Variants in WDR44 observed in about 807,000 individuals in gnomAD.
WDR44 encodes WD repeat domain 44, also known as WD repeat-containing protein 44.
A neutral mutation model predicts 65.7 loss-of-function variants in WDR44; 9 were observed. The ratio of observed to expected loss-of-function variants is 0.14; its 90% CI spans 0.08 to 0.24. The LOEUF (loss-of-function observed/expected upper bound fraction) is 0.24, where lower values mean the gene tolerates loss of function less well. Among genes scored for constraint, WDR44 ranks in the 10% least tolerant of loss-of-function variants. The pLI is 1.00. For missense variants in WDR44, 425 were observed against 670.9 expected (o/e 0.63, Z 4.05); for synonymous variants, 220 against 235.2 (o/e 0.94, Z 0.59).
intron 14 of WDR44, among the ~76,000 whole-genome samples, chrX:118,440,159 A>C (rs1378240764): frequency 9.2e-6 from 1 of 109,130 alleles, no homozygotes; most frequent in African/African-American, 3.3e-5. Flanking sequence ...AAAAATTCTT[A>C]TGTTGCCAAA....
Position 118,443,348 on chromosome X carries a change from T to C in WDR44, c.2385-212T>C, listed in dbSNP as rs140811947. ...AACGTGGATTAACTAACATCACAGT[T>C]ACTTAGAGCTTTGATGCAAATACAA... On this transcript the variant is annotated intron_variant, in intron 17 of 19. Coordinates refer to ENST00000254029, the MANE Select transcript of WDR44 (RefSeq NM_019045.5). Among the ~76,000 whole-genome samples the C allele has an allele frequency of 6.5e-3, 723 of 111,842 alleles. 21 individuals carry two copies. In the East Asian group the frequency reaches 0.14, roughly 21 times the overall value.
At chrX:118,430,030 G>T (rs1240055425) in intron 12 of WDR44, among the ~76,000 whole-genome samples, 5 of 111,536 alleles carry the variant, frequency 4.5e-5, no homozygotes. Context: ...TCCATATTAT[G>T]CAGCTACTAA....
At chrX:118,386,753 T>A (rs924140435) in intron 2 of WDR44, among the ~76,000 whole-genome samples, 6 of 112,096 alleles carry the variant, frequency 5.4e-5, no homozygotes, top group African/African-American at 1.9e-4. Flanking sequence ...GTTAAAAAGT[T>A]GAGCAAGTTT....
At chrX:118,354,284 G>T (rs2802620) in intron 1 of WDR44, among the ~76,000 whole-genome samples, 3 of 109,039 alleles carry the variant, frequency 2.8e-5, no homozygotes, top group African/African-American at 1.0e-4. Context: ...TGGACATGAT[G>T]GTGCATGCCT....
chrX:118,447,893 TATATATATATATA>T (rs2057360439), intron 19 of WDR44, among the ~76,000 whole-genome samples: 2 of 95,820 alleles, frequency 2.1e-5, no homozygotes, highest in East Asian at 3.2e-4. Context: ...TATATATATA[TATATATATATATA>T]TATATATACT....
chrX:118,411,016 A>G (rs1037838446), intron 12 of WDR44, 57 bp downstream of exon 12: 1 of 982,883 alleles, frequency 1.0e-6, no homozygotes, highest in Non-Finnish European at 1.4e-6. Context: ...TTTGTTTACC[A>G]TAAAGTATTT....
Position 118,436,683 on chromosome X carries a change from A to G in WDR44, c.1852-19A>G, listed in dbSNP as rs752229313. ...TTTTTCATATAGTGATAACATAGTC[A>G]ATGTCATTTTCCCCATAGAACTACT... On this transcript the variant is annotated intron_variant, in intron 13 of 19. Coordinates refer to ENST00000254029, the MANE Select transcript of WDR44 (RefSeq NM_019045.5). The G allele has an allele frequency of 1.7e-6, 2 of 1,178,285 alleles. No homozygotes were observed. Among genetic ancestry groups the G allele is most frequent in the Non-Finnish European group, 2.3e-6 (2 of 876,117 alleles).
intron 1 of WDR44, among the ~76,000 whole-genome samples, chrX:118,357,605 G>A (rs2056472419): frequency 9.0e-6 from 1 of 111,711 alleles, no homozygotes; most frequent in Non-Finnish European, 1.9e-5. Context: ...TACCCCACCA[G>A]GTGTGGTGGC....
intron 8 of WDR44, among the ~76,000 whole-genome samples, chrX:118,402,458 A>AAAAAAAG (rs547508565): frequency 2.3e-5 from 2 of 85,369 alleles, no homozygotes; most frequent in African/African-American, 5.7e-5. Context: ...AAAAAAAAAA[A>AAAAAAAG]ACATTCAGGA....
intron 1 of WDR44, among the ~76,000 whole-genome samples, chrX:118,348,248 T>G (rs1368088910): frequency 8.9e-6 from 1 of 112,211 alleles, no homozygotes; most frequent in African/African-American, 3.2e-5. Flanking sequence ...CCTTCCTTTC[T>G]TGGCATTGGC....
rs747651415 is a variant in WDR44 at position 118,389,322 on chromosome X, T to C, written c.186+1908T>C. On this transcript the variant is annotated intron_variant, in intron 3 of 19. Transcript: ENST00000254029. ...AGTATTCAAATAAACTTAGAAGCTA[T>C]TGTAAGAACACAAAGGGAAGGAGAC... Among the ~76,000 whole-genome samples, 504 of 112,219 alleles carry C rather than the reference T, an allele frequency of 4.5e-3. 1 individual carries two copies. Among genetic ancestry groups the C allele is most frequent in the African/African-American group, 0.015 (474 of 30,967 alleles).
At chrX:118,391,372 G>C (rs2056818881) in intron 3 of WDR44, among the ~76,000 whole-genome samples, 1 of 111,717 alleles carries the variant, frequency 9.0e-6, no homozygotes, top group Non-Finnish European at 1.9e-5. Flanking sequence ...TAATTTCTAA[G>C]GTTAACAATT....
intron 14 of WDR44, among the ~76,000 whole-genome samples, chrX:118,439,819 AAAGAAG>A (rs201823882): frequency 5.5e-5 from 6 of 108,390 alleles, no homozygotes; most frequent in African/African-American, 2.0e-4. Context: ...AAGGAAAAAA[AAAGAAG>A]AAGAAGAATC....
chrX:118,446,798 T>A (rs1432379251), intron 19 of WDR44, among the ~76,000 whole-genome samples: 2 of 111,955 alleles, frequency 1.8e-5, no homozygotes, highest in Non-Finnish European at 3.8e-5. Flanking sequence ...TTTCTTTCCT[T>A]CTCAGAATCA....
intron 1 of WDR44, among the ~76,000 whole-genome samples, chrX:118,351,748 G>A (rs2056404948): frequency 1.8e-5 from 2 of 110,637 alleles, no homozygotes; most frequent in Admixed American, 1.9e-4. Flanking sequence ...TCAGGAGTTC[G>A]AGACCAGCCT....
chrX:118,368,040 A>G (rs1338629602), intron 1 of WDR44, among the ~76,000 whole-genome samples: 3 of 111,860 alleles, frequency 2.7e-5, no homozygotes, highest in Non-Finnish European at 5.6e-5. Context: ...ATTTATTTCT[A>G]TAAAGTACAT....
In WDR44 at chrX:118,443,575, C is replaced by T; in HGVS notation, c.2400C>T (p.Tyr800=). The T allele has an allele frequency of 8.3e-7, 1 of 1,208,809 alleles. No homozygotes were observed. Among genetic ancestry groups the T allele is most frequent in the Non-Finnish European group, 1.1e-6 (1 of 893,865 alleles). ...CAAAATTCAGCCATGATTTTACTTA[C>T]CTCGTTAGTGGTTCAGAAGATAAGT... ...IKASFSHDFT[Y]LVSGSEDKYV... is the part of the protein sequence containing the mutation. Residue 800 remains tyrosine, a synonymous_variant, in exon 18 of 20, where the codon TAC becomes TAT. Transcript: ENST00000254029.
chrX:118,413,323 G>A (rs1049663791), intron 12 of WDR44, among the ~76,000 whole-genome samples: 4 of 112,013 alleles, frequency 3.6e-5, no homozygotes, highest in Non-Finnish European at 5.6e-5. Context: ...GTGTAGAAGT[G>A]TTCCCTGATC....
chrX:118,444,242 A>T, intron 18 of WDR44, 118 bp from the exon 19 acceptor site: 1 of 870,685 alleles, frequency 1.1e-6, no homozygotes, highest in Non-Finnish European at 1.5e-6. Flanking sequence ...TTTGGGTTTT[A>T]AATCACTCTT....
Sources: gnomAD v4.1 joint callset for allele counts (sites outside exome capture counted in the v4.1 genomes callset) on GRCh38, gnomAD v4.1.1 for gene constraint, MANE v1.5 for transcripts, NCBI Gene and HGNC (gene_info 2026-07-23, HGNC 2026-07-21) for gene names.